ARSG: variants seen among roughly 807,000 people sequenced by gnomAD.
ARSG encodes the protein arylsulfatase G, also known as ASG.
A neutral mutation model predicts 50.5 loss-of-function variants in ARSG; 37 were observed. The ratio of observed to expected loss-of-function variants is 0.73; its 90% CI spans 0.56 to 0.96. The LOEUF is 0.96. Ranked by LOEUF, ARSG falls within the 50% of genes least tolerant of loss-of-function variation. The probability of loss-of-function intolerance (pLI) is 0.00; values close to 1 mark genes in which losing one functional copy is unlikely to be tolerated. For synonymous variants in ARSG, 225 were observed against 254.6 expected (o/e 0.88, Z 1.11); for missense variants, 629 against 675.3 (o/e 0.93, Z 0.76).
intron 2 of ARSG, among the ~76,000 whole-genome samples, chr17:68,317,459 T>G (rs939365415): frequency 6.6e-6 from 1 of 151,814 alleles, no homozygotes; most frequent in Non-Finnish European, 1.5e-5. Context: ...AATGATGAAC[T>G]GTTTTGTTTT....
At chr17:68,331,994 T>C (rs1415999188) in intron 2 of ARSG, among the ~76,000 whole-genome samples, 1 of 152,176 alleles carries the variant, frequency 6.6e-6, no homozygotes, top group Non-Finnish European at 1.5e-5. Context: ...CCGACATGCA[T>C]TGTCATTGAT....
rs536172792 is a variant in ARSG at position 68,347,617 on chromosome 17, G to A, written c.454+445G>A. Among the ~76,000 whole-genome samples, 3 of 152,264 alleles carry A rather than the reference G, an allele frequency of 2.0e-5. No individual in the cohort carries two copies. The South Asian group carries it at 6.2e-4, about 32-fold the overall frequency. ...GCAGCCTTTGCTTCCTCACCCTCTG[G>A]CCTTGGGGAAGTAGGCCAAGATCAA... On this transcript the variant is annotated intron_variant, in intron 4 of 11. Coordinates refer to ENST00000621439, the MANE Select transcript of ARSG (RefSeq NM_001267727.2).
At chr17:68,429,987 T>C in the ARSG span, 1 of 1,614,054 alleles carries the variant, frequency 6.2e-7, no homozygotes, top group Non-Finnish European at 8.5e-7. Context: ...TGGGTGTCAT[T>C]GTACGTACGT....
At chr17:68,356,971 T>G (rs148940445) in intron 6 of ARSG, among the ~76,000 whole-genome samples, 167 bp downstream of exon 6, 39 of 152,332 alleles carry the variant, frequency 2.6e-4, no homozygotes, top group African/African-American at 9.1e-4. Flanking sequence ...AAACAGCCCC[T>G]TCTGGAAATC....
At chr17:68,300,896 A>G (rs1292475222) in intron 1 of ARSG, among the ~76,000 whole-genome samples, 3 of 151,662 alleles carry the variant, frequency 2.0e-5, no homozygotes, top group Non-Finnish European at 2.9e-5. Context: ...AGGTGGGTAG[A>G]TCACGAAGTC....
At chr17:68,420,101 T>C (rs1339664139) in intron 11 of ARSG, 88 bp from the exon 12 acceptor site, 2 of 1,449,880 alleles carry the variant, frequency 1.4e-6, no homozygotes, top group African/African-American at 2.8e-5. Flanking sequence ...TATGTTTGAA[T>C]TAATGTAGAA....
At chr17:68,359,036 G>A (rs970306965) in intron 6 of ARSG, among the ~76,000 whole-genome samples, 8 of 151,730 alleles carry the variant, frequency 5.3e-5, no homozygotes, top group African/African-American at 1.5e-4. Context: ...GGTGGCGGAC[G>A]CCTGTAGTCC....
rs1555785498 is a variant in ARSG, at chr17:68,374,170, A to AAAAAG, written c.982+3650_982+3651insGAAAA. ...AGACTCTGTCTCCAAAAAAAAAAAA[A>AAAAAG]AAAAAGAAACAAGAGCCTAGAGAAA... On this transcript the variant is annotated intron_variant, in intron 8 of 11. Transcript: ENST00000621439. Among the ~76,000 whole-genome samples the AAAAAG allele has an allele frequency of 3.5e-3, 506 of 144,332 alleles. 6 individuals carry two copies. Among genetic ancestry groups the AAAAAG allele is most frequent in the Non-Finnish European group, 5.0e-3 (334 of 66,258 alleles). 94.7% of individuals were successfully genotyped at this position (144,332 alleles called of 152,430 possible).
intron 8 of ARSG, among the ~76,000 whole-genome samples, chr17:68,375,986 A>AAAATG (rs1240897411): frequency 6.6e-6 from 1 of 152,194 alleles, no homozygotes; most frequent in East Asian, 1.9e-4. Flanking sequence ...ACATAAAATT[A>AAAATG]ACATTTTAAG....
In ARSG at chr17:68,381,601, G is replaced by A. The variant is rs1222605447; in HGVS notation, c.983-3463G>A. On this transcript the variant is annotated intron_variant, in intron 8 of 11. Transcript: ENST00000621439. This position sits in a 1 kb window ranked among gnomAD's most constrained non-coding sequence, Gnocchi z 4.1. Reference sequence around the variant, plus strand: ...ATATTTATGATGCTATGGCATAGAGGTATAAAGTCGTGGGCAACAGAAAGC... The same window carrying A: ...ATATTTATGATGCTATGGCATAGAGATATAAAGTCGTGGGCAACAGAAAGC... Among the ~76,000 whole-genome samples, 1 of 152,186 alleles carries A rather than the reference G, an allele frequency of 6.6e-6. No homozygotes were observed. The highest frequency in any genetic ancestry group is 1.5e-5 in the Non-Finnish European group (1 of 68,038).
intron 8 of ARSG, among the ~76,000 whole-genome samples, chr17:68,372,936 G>A (rs1469620233): frequency 7.1e-6 from 1 of 139,966 alleles, no homozygotes; most frequent in African/African-American, 2.8e-5. Flanking sequence ...CTGTCACCCA[G>A]GCTGGAGTGC....
chr17:68,429,977 T>C, the ARSG span: 3 of 1,613,504 alleles, frequency 1.9e-6, no homozygotes, highest in African/African-American at 1.3e-5. Context: ...TTGTTCAGAG[T>C]GGGTGTCATT....
chr17:68,430,152 T>G, the ARSG span: 1 of 1,612,870 alleles, frequency 6.2e-7, no homozygotes, highest in East Asian at 2.2e-5. Context: ...CGAAGGCTCT[T>G]CTGGTCGACT....
chr17:68,293,268 G>T (rs898593136), intron 1 of ARSG, among the ~76,000 whole-genome samples: 1 of 152,190 alleles, frequency 6.6e-6, no homozygotes, highest in African/African-American at 2.4e-5. Context: ...GAAATATCAT[G>T]TGCAATATGA....
intron 9 of ARSG, 40 bp from the exon 10 acceptor site, chr17:68,395,033 C>A: frequency 6.2e-7 from 1 of 1,610,842 alleles, no homozygotes; most frequent in South Asian, 1.1e-5. Flanking sequence ...GGGAGCGAGT[C>A]AGAAGAGCTG....
intron 2 of ARSG, among the ~76,000 whole-genome samples, chr17:68,328,321 A>G (rs1311108338): frequency 6.6e-6 from 1 of 152,120 alleles, no homozygotes; most frequent in Non-Finnish European, 1.5e-5. Context: ...ACATCACCTT[A>G]TGGAATTCTT....
chr17:68,351,769 A>T, intron 5 of ARSG, 83 bp downstream of exon 5: 2 of 890,776 alleles, frequency 2.2e-6, no homozygotes, highest in Non-Finnish European at 3.8e-6. Context: ...TAAATTAAAG[A>T]TGCAGACAGG....
intron 2 of ARSG, among the ~76,000 whole-genome samples, chr17:68,321,039 C>T (rs760008031): frequency 1.6e-4 from 25 of 152,040 alleles, no homozygotes; most frequent in Non-Finnish European, 2.4e-4. Flanking sequence ...TGGTGACGTG[C>T]GGTGGCTACT....
At chr17:68,356,541 C>G (rs1318712500) in intron 5 of ARSG, 126 bp from the exon 6 acceptor site, 4 of 1,125,890 alleles carry the variant, frequency 3.6e-6, no homozygotes, top group Non-Finnish European at 5.1e-6. Flanking sequence ...AAATGGCCAA[C>G]CAGAAAAATC....
Sources: allele counts gnomAD v4.1 joint callset (sites outside exome capture counted in the v4.1 genomes callset), GRCh38; gene constraint gnomAD v4.1.1; non-coding constraint Gnocchi (gnomAD v3.1); transcripts MANE v1.5; gene names NCBI Gene and HGNC (gene_info 2026-07-23, HGNC 2026-07-21).